Variants in FUT8 observed in about 807,000 individuals in gnomAD.
The protein encoded by FUT8 is alpha-(1,6)-fucosyltransferase.
Under a neutral mutation model 71.3 loss-of-function variants are expected in FUT8, and 29 were observed. The observed-to-expected ratio is 0.41, with a 90% confidence interval of 0.30 to 0.55. The LOEUF is 0.55. Among genes scored for constraint, FUT8 ranks in the 20% least tolerant of loss-of-function variants. The probability of loss-of-function intolerance (pLI) is 0.34; values close to 1 mark genes in which losing one functional copy is unlikely to be tolerated. For missense variants in FUT8, 544 were observed against 702.1 expected (o/e 0.77, Z 2.55); for synonymous variants, 254 against 239.3 (o/e 1.06, Z -0.57).
intron 6 of FUT8, among the ~76,000 whole-genome samples, chr14:65,633,574 G>A (rs1320691041): frequency 6.6e-6 from 1 of 151,744 alleles, no homozygotes; most frequent in Non-Finnish European, 1.5e-5. Context: ...TAGGAAGTGA[G>A]GAGCGTCTCT....
intron 2 of FUT8, among the ~76,000 whole-genome samples, chr14:65,465,003 T>C (rs10220304): frequency 0.072 from 11,017 of 152,264 alleles, 741 homozygotes; most frequent in South Asian, 0.2. Flanking sequence ...TTTTAAAAAT[T>C]GATTTAGGCT....
chr14:65,525,150 C>T (rs987731711), intron 2 of FUT8, among the ~76,000 whole-genome samples: 8 of 152,180 alleles, frequency 5.3e-5, no homozygotes, highest in Non-Finnish European at 1.2e-4. Context: ...ACTAGCTCCT[C>T]CTTGTACCTG....
chr14:65,412,230 C>T (rs1156252672), upstream of FUT8: 3 of 456,630 alleles, frequency 6.6e-6, no homozygotes, highest in African/African-American at 4.0e-5. Context: ...TGTAGGATCG[C>T]GCTGGAAGCA....
intron 2 of FUT8, among the ~76,000 whole-genome samples, chr14:65,523,756 T>A (rs1196825519): frequency 6.6e-6 from 1 of 152,188 alleles, no homozygotes; most frequent in Non-Finnish European, 1.5e-5. Flanking sequence ...TTGTATAAGG[T>A]GTAAGGAAGG....
chr14:65,419,504 A>T (rs556192973), intron 1 of FUT8, among the ~76,000 whole-genome samples: 1 of 152,192 alleles, frequency 6.6e-6, no homozygotes, highest in Non-Finnish European at 1.5e-5. Context: ...GACTTACTCA[A>T]TTTCTCCAAC....
At chr14:65,421,507 T>C (rs946141462) in intron 1 of FUT8, among the ~76,000 whole-genome samples, 3 of 152,206 alleles carry the variant, frequency 2.0e-5, no homozygotes, top group Admixed American at 6.5e-5. Flanking sequence ...TTTGCTTTAG[T>C]TTCAGTGCCC....
chr14:65,475,779 T>C (rs2066229104), intron 2 of FUT8, among the ~76,000 whole-genome samples: 2 of 151,898 alleles, frequency 1.3e-5, no homozygotes, highest in Non-Finnish European at 2.9e-5. Flanking sequence ...TGAGACCTTG[T>C]CTTGGGGGGC....
At chr14:65,626,634 T>C (rs1889910007) in intron 5 of FUT8, among the ~76,000 whole-genome samples, 2 of 152,226 alleles carry the variant, frequency 1.3e-5, no homozygotes, top group South Asian at 2.1e-4. Context: ...TGTAAGATTA[T>C]TGTGAGATTA....
At chr14:65,708,528 T>G (rs1012782254) in intron 7 of FUT8, among the ~76,000 whole-genome samples, 1 of 152,234 alleles carries the variant, frequency 6.6e-6, no homozygotes, top group African/African-American at 2.4e-5. Context: ...TGTCAATATT[T>G]TATAAGTTTT....
At chr14:65,573,160 C>A (rs936498267) in intron 3 of FUT8, among the ~76,000 whole-genome samples, 10 of 151,966 alleles carry the variant, frequency 6.6e-5, no homozygotes, top group African/African-American at 2.4e-4. Context: ...TTTATAGTAT[C>A]AGCTAGAAGT....
chr14:65,457,688 T>G (rs1463797147), intron 2 of FUT8, among the ~76,000 whole-genome samples: 5 of 152,160 alleles, frequency 3.3e-5, no homozygotes, highest in Non-Finnish European at 7.3e-5. Flanking sequence ...TGACAGGGGC[T>G]GCATGCACTG....
intron 1 of FUT8, among the ~76,000 whole-genome samples, chr14:65,441,459 G>A (rs991588494): frequency 6.6e-6 from 1 of 152,058 alleles, no homozygotes; most frequent in South Asian, 2.1e-4. Flanking sequence ...ATGAGTACAG[G>A]TCTGGGCATG....
chr14:65,635,396 G>A (rs1052329493), intron 6 of FUT8, among the ~76,000 whole-genome samples: 14 of 152,048 alleles, frequency 9.2e-5, no homozygotes, highest in African/African-American at 3.1e-4. Flanking sequence ...TGGTGAGAGC[G>A]GGCATCCTTG....
the FUT8 span, among the ~76,000 whole-genome samples, chr14:65,386,837 A>ATTTTT: frequency 1.3e-3 from 110 of 81,998 alleles, 2 homozygotes; most frequent in East Asian, 5.5e-3. Context: ...TCTTCCTTTA[A>ATTTTT]TTTTTTTTTT....
intron 5 of FUT8, among the ~76,000 whole-genome samples, chr14:65,616,898 T>C (rs1160243460): frequency 6.6e-6 from 1 of 152,188 alleles, no homozygotes; most frequent in Non-Finnish European, 1.5e-5. Context: ...AAGAGGTACC[T>C]GAGATCTGCC....
rs192618037 is a variant in FUT8, at chr14:65,589,592, C to T, written c.204-26386C>T. Among the ~76,000 whole-genome samples the T allele has an allele frequency of 6.2e-3, 942 of 151,980 alleles. 11 individuals carry two copies. The highest frequency in any genetic ancestry group is 0.035 in the East Asian group (182 of 5,160). On this transcript the variant is annotated intron_variant, in intron 3 of 10. Transcript: ENST00000673929. Reference sequence around the variant, plus strand: ...CCGAGTAGCTGGGACTACAGGCGCCCGCCACCACGCCTGGCTAACTTTTTT... The same window carrying T: ...CCGAGTAGCTGGGACTACAGGCGCCTGCCACCACGCCTGGCTAACTTTTTT...
chr14:65,645,541 AT>A (rs1891083512), intron 6 of FUT8, among the ~76,000 whole-genome samples: 1 of 152,204 alleles, frequency 6.6e-6, no homozygotes, highest in Non-Finnish European at 1.5e-5. Flanking sequence ...GGTACATAAC[AT>A]TTGAAACTTC....
intron 2 of FUT8, among the ~76,000 whole-genome samples, chr14:65,517,740 C>CGGGA (rs1882808583): frequency 6.6e-6 from 1 of 152,186 alleles, no homozygotes; most frequent in Non-Finnish European, 1.5e-5. Flanking sequence ...CTATCCCCTA[C>CGGGA]TCCCACCTTG....
chr14:65,357,003 C>A, the FUT8 span, among the ~76,000 whole-genome samples: 1 of 152,156 alleles, frequency 6.6e-6, no homozygotes, highest in Non-Finnish European at 1.5e-5. Flanking sequence ...AGGTAAGAAC[C>A]AGAAGGGAGC....
Sources: allele counts gnomAD v4.1 joint callset (sites outside exome capture counted in the v4.1 genomes callset), GRCh38; gene constraint gnomAD v4.1.1; transcripts MANE v1.5; gene names NCBI Gene and HGNC (gene_info 2026-07-23, HGNC 2026-07-21).